Variants in LEF1 observed in about 807,000 individuals in gnomAD.
LEF1 encodes the protein lymphoid enhancer binding factor 1, also known as lymphoid enhancer-binding factor 1.
In LEF1, 14 loss-of-function variants were observed where a neutral mutation model predicts 51.2. The ratio of observed to expected loss-of-function variants is 0.27; its 90% CI spans 0.18 to 0.43. The LOEUF (loss-of-function observed/expected upper bound fraction) is 0.43, where lower values mean the gene tolerates loss of function less well. Among genes scored for constraint, LEF1 ranks in the 20% least tolerant of loss-of-function variants. The probability of loss-of-function intolerance (pLI) is 1.00; values close to 1 mark genes in which losing one functional copy is unlikely to be tolerated. For synonymous variants in LEF1, 185 were observed against 183.2 expected (o/e 1.01, Z -0.08); for missense variants, 386 against 512.0 (o/e 0.75, Z 2.37).
intron 3 of LEF1, among the ~76,000 whole-genome samples, chr4:108,125,714 ATT>A (rs201464366): frequency 5.6e-5 from 8 of 142,136 alleles, no homozygotes; most frequent in African/African-American, 5.2e-5. Flanking sequence ...ACACCTTGGG[ATT>A]TTTTTTTTTT....
At chr4:108,052,180 G>A (rs1274275317) in intron 11 of LEF1, among the ~76,000 whole-genome samples, 2 of 152,310 alleles carry the variant, frequency 1.3e-5, no homozygotes, top group East Asian at 3.9e-4. Flanking sequence ...TCACTGGCCA[G>A]TCAGTTTAAG....
At chr4:108,121,991 G>C (rs775974721) in intron 3 of LEF1, among the ~76,000 whole-genome samples, 14 of 152,154 alleles carry the variant, frequency 9.2e-5, no homozygotes, top group Non-Finnish European at 1.6e-4. Context: ...TCTGAGCAGA[G>C]AATATGGTCT....
chr4:108,109,048 T>C (rs1300820914), intron 3 of LEF1, among the ~76,000 whole-genome samples: 1 of 152,220 alleles, frequency 6.6e-6, no homozygotes, highest in Non-Finnish European at 1.5e-5. Context: ...CCTAGGGATG[T>C]AGTTTTGATA....
intron 3 of LEF1, among the ~76,000 whole-genome samples, chr4:108,092,278 G>A (rs1740073422): frequency 6.6e-6 from 1 of 152,156 alleles, no homozygotes; most frequent in Non-Finnish European, 1.5e-5. Context: ...TAGTAGGTGT[G>A]TTAAAGCCAA....
At chr4:108,051,293 T>G (rs917789362) in intron 11 of LEF1, among the ~76,000 whole-genome samples, 4 of 151,998 alleles carry the variant, frequency 2.6e-5, no homozygotes, top group Non-Finnish European at 4.4e-5. Context: ...ATTCCTTCAC[T>G]ATGAAATGAG....
chr4:108,101,842 C>T (rs551001447), intron 3 of LEF1, among the ~76,000 whole-genome samples: 7 of 152,234 alleles, frequency 4.6e-5, no homozygotes, highest in African/African-American at 1.7e-4. Flanking sequence ...AGGTGGATCA[C>T]CTGAGGTCAG....
Position 108,167,546 on chromosome 4 carries a change from C to T in LEF1, c.213+9G>A, listed in dbSNP as rs376765991. ...ACGCCTCTCGGAACTGGGGCAGCGGCCCGCTCACCTCGTGTCCGTTGCTGG... is the reference window on the plus strand; with the variant it reads ...ACGCCTCTCGGAACTGGGGCAGCGGTCCGCTCACCTCGTGTCCGTTGCTGG... On this transcript the variant is annotated intron_variant, in intron 1 of 11. Coordinates refer to ENST00000265165, the MANE Select transcript of LEF1 (RefSeq NM_016269.5). The surrounding 1 kb of genome is among the most constrained non-coding windows in gnomAD (Gnocchi z 5.7). 71 of 1,613,514 alleles carry T rather than the reference C, an allele frequency of 4.4e-5. No homozygotes were observed. Among genetic ancestry groups the T allele is most frequent in the Admixed American group, 1.2e-4 (7 of 59,998 alleles).
At chr4:108,057,183 AAAG>A (rs987330616) in intron 11 of LEF1, among the ~76,000 whole-genome samples, 2 of 152,156 alleles carry the variant, frequency 1.3e-5, no homozygotes, top group African/African-American at 4.8e-5. Context: ...TACAAAAGAT[AAAG>A]AATGGAAAAC....
chr4:108,092,939 A>AAAAAAAAAAAAAAAAAAAAAAAC (rs1553952202), intron 3 of LEF1, among the ~76,000 whole-genome samples: 14 of 90,672 alleles, frequency 1.5e-4, no homozygotes, highest in African/African-American at 2.6e-4. Context: ...AAAAAAAAAA[A>AAAAAAAAAAAAAAAAAAAAAAAC]AAAAAAAAAA....
chr4:108,070,437 CA>C, intron 9 of LEF1: 1 of 339,528 alleles, frequency 2.9e-6, no homozygotes, highest in Non-Finnish European at 5.2e-6. Context: ...TAGTTTATTT[CA>C]AAAATTTTAT....
At chr4:108,112,867 C>CTCTG (rs1212943429) in intron 3 of LEF1, among the ~76,000 whole-genome samples, 38 of 152,306 alleles carry the variant, frequency 2.5e-4, no homozygotes, top group African/African-American at 8.7e-4. Context: ...CAGAGTCAAA[C>CTCTG]CAGAGTCTAA....
At chr4:108,099,556 A>ATG (rs1245005290) in intron 3 of LEF1, among the ~76,000 whole-genome samples, 1,521 of 48,860 alleles carry the variant, frequency 0.031, 71 homozygotes, top group East Asian at 0.044. Context: ...GTGTGTGTGT[A>ATG]TGTGTGTGTG....
At chr4:108,133,076 C>T (rs903792968) in intron 3 of LEF1, among the ~76,000 whole-genome samples, 1 of 152,086 alleles carries the variant, frequency 6.6e-6, no homozygotes, top group Admixed American at 6.5e-5. Context: ...CAGGTTCAAG[C>T]GCTTCTCCTG....
At chr4:108,125,277 C>T (rs901679165) in intron 3 of LEF1, among the ~76,000 whole-genome samples, 3 of 152,182 alleles carry the variant, frequency 2.0e-5, no homozygotes, top group Non-Finnish European at 2.9e-5. Flanking sequence ...AATTTTCCTG[C>T]CTCAGCATCC....
chr4:108,161,555 G>T (rs1745053831), intron 3 of LEF1, among the ~76,000 whole-genome samples: 1 of 152,090 alleles, frequency 6.6e-6, no homozygotes, highest in Non-Finnish European at 1.5e-5. Context: ...TCTATCAAAA[G>T]ATATTTTCTA....
intron 9 of LEF1, among the ~76,000 whole-genome samples, chr4:108,064,655 TCACACACA>T (rs59828005): frequency 0.075 from 9,534 of 127,820 alleles, 315 homozygotes; most frequent in African/African-American, 0.08. Flanking sequence ...TCTCTCTCAC[TCACACACA>T]CACACACACA....
intron 11 of LEF1, among the ~76,000 whole-genome samples, chr4:108,057,433 AGAGT>A (rs1737377522): frequency 6.6e-6 from 1 of 152,200 alleles, no homozygotes; most frequent in Admixed American, 6.5e-5. Flanking sequence ...CAAACTTACC[AGAGT>A]GAGCTTCAAA....
chr4:108,150,771 T>A (rs996299526), intron 3 of LEF1, among the ~76,000 whole-genome samples: 1 of 152,202 alleles, frequency 6.6e-6, no homozygotes, highest in African/African-American at 2.4e-5. Context: ...ACTGGAAACA[T>A]AGGCATATTA....
At position 108,148,276 on chromosome 4, in the gene LEF1, T is replaced by C. The variant is rs374998813; in HGVS notation, c.414+15292A>G. ...TTACTTAACATGAATGCTCTTTTAA[T>C]AAAAAAAAAAAAATTTATCAAGCAA... On this transcript the variant is annotated intron_variant, in intron 3 of 11. Coordinates refer to ENST00000265165, the MANE Select transcript of LEF1 (RefSeq NM_016269.5). Among the ~76,000 whole-genome samples, 7 of 41,654 alleles carry C rather than the reference T, an allele frequency of 1.7e-4. No homozygotes were observed. In the East Asian group the frequency reaches 0.015, roughly 87 times the overall value. The allele number at this position is 41,654 out of a possible 152,430, so 27.3% of individuals were successfully genotyped here.
Sources: allele counts gnomAD v4.1 joint callset (sites outside exome capture counted in the v4.1 genomes callset), GRCh38; gene constraint gnomAD v4.1.1; non-coding constraint Gnocchi (gnomAD v3.1); transcripts MANE v1.5; gene names NCBI Gene and HGNC (gene_info 2026-07-23, HGNC 2026-07-21).